The following AXL variants were observed in gnomAD, a reference collection of about 807,000 sequenced individuals.
The protein encoded by AXL is AXL receptor tyrosine kinase, also known as tyrosine-protein kinase receptor UFO.
A neutral mutation model predicts 104.5 loss-of-function variants in AXL; 52 were observed. That is an observed-to-expected ratio of 0.50 (90% CI 0.40 to 0.63). The LOEUF (loss-of-function observed/expected upper bound fraction) is 0.63. AXL is among the 20% of genes least tolerant of loss of function. The pLI is 0.00. For missense variants in AXL, 1,024 were observed against 1,188.5 expected, an observed-to-expected ratio of 0.86 and a Z score of 2.04; for synonymous variants, 455 against 473.7, an observed-to-expected ratio of 0.96 and a Z score of 0.51.
intron 9 of AXL, 106 bp from the exon 10 acceptor site, chr19:41,239,588 C>T: frequency 7.3e-7 from 1 of 1,371,762 alleles, no homozygotes. Context: ...CTTACTCGTG[C>T]CACACCCTCA....
chr19:41,244,600 C>T (rs2034240951), intron 12 of AXL, among the ~76,000 whole-genome samples: 1 of 152,148 alleles, frequency 6.6e-6, no homozygotes, highest in Admixed American at 6.6e-5. Flanking sequence ...ATGCCTCGGC[C>T]TCCCGAATAG....
intron 6 of AXL, among the ~76,000 whole-genome samples, chr19:41,234,802 T>C (rs2034050965): frequency 6.6e-6 from 1 of 152,174 alleles, no homozygotes. Flanking sequence ...AGTAAACTCC[T>C]TCCTGACATA....
chr19:41,234,801 C>T (rs1462760282), intron 6 of AXL, among the ~76,000 whole-genome samples: 1 of 152,174 alleles, frequency 6.6e-6, no homozygotes, highest in Non-Finnish European at 1.5e-5. Context: ...CAGTAAACTC[C>T]TTCCTGACAT....
At position 41,238,103 on chromosome 19, in the gene AXL, C is replaced by T. The variant is rs1400603712; in HGVS notation, c.943C>T (p.Gln315Ter). ...CATCCGCGTGGCATGCACCAGCAGC[C>T]AGGGCCCCTCATCCTGGACCCACTG... ...YHIRVACTSSQGPSSWTHWLP... is the reference protein window; with the variant it reads ...YHIRVACTSS Residue 315 changes from glutamine (Q) to a stop codon, truncating the protein, a stop_gained, in exon 7 of 20, where the codon CAG (glutamine) becomes TAG (stop). Transcript: ENST00000301178. LOFTEE classifies it high-confidence loss of function. 3 of 1,614,096 alleles carry T rather than the reference C, an allele frequency of 1.9e-6. No individual in the cohort carries two copies. The Admixed American group carries it at 5.0e-5, about 27-fold the overall frequency.
intron 6 of AXL, among the ~76,000 whole-genome samples, chr19:41,237,093 C>T (rs77632739): frequency 0.023 from 3,473 of 152,268 alleles, 143 homozygotes; most frequent in African/African-American, 0.079. Flanking sequence ...CATGTAACCA[C>T]CATCCAAATC....
chr19:41,229,116 AT>A (rs1157039981), intron 4 of AXL, among the ~76,000 whole-genome samples: 1 of 151,434 alleles, frequency 6.6e-6, no homozygotes, highest in Non-Finnish European at 1.5e-5. Context: ...TGCCCAGCTA[AT>A]TTTTTGTATT....
In AXL at chr19:41,243,689, C is replaced by T. The variant is rs1366012932; in HGVS notation, c.1519C>T (p.Arg507Trp). The T allele has an allele frequency of 6.2e-6, 10 of 1,613,722 alleles. No homozygotes were observed. The highest frequency in any genetic ancestry group is 4.0e-5 in the African/African-American group (3 of 74,880). ...CCGCGTGCGCAAGTCCTACAGTCGT[C>T]GGACCACTGAAGCTACCTGTAAGTG... ...RYRVRKSYSR[R>W]TTEATLNSLG... Residue 507 changes from arginine to tryptophan, a missense_variant, in exon 12 of 20, where the codon CGG becomes TGG. Arg to Trp is a moderately radical substitution (Grantham distance 101). Around this residue, in one of 5 missense-constraint regions of AXL, gnomAD observed 523 missense variants for 636.0 expected, o/e 0.82. Transcript: ENST00000301178.
At chr19:41,227,766 G>T (rs1053887367) in intron 4 of AXL, among the ~76,000 whole-genome samples, 17 of 152,132 alleles carry the variant, frequency 1.1e-4, no homozygotes, top group Admixed American at 5.9e-4. Context: ...TGGGATTACA[G>T]ATGTGAGCCA....
intron 6 of AXL, among the ~76,000 whole-genome samples, chr19:41,237,346 G>A (rs2034097670): frequency 1.3e-5 from 2 of 152,272 alleles, no homozygotes; most frequent in South Asian, 4.1e-4. Flanking sequence ...AGGTTCAAGT[G>A]GTTCTCCTAT....
At chr19:41,250,294 C>T (rs1476245292) in intron 14 of AXL, among the ~76,000 whole-genome samples, 1 of 152,164 alleles carries the variant, frequency 6.6e-6, no homozygotes, top group Non-Finnish European at 1.5e-5. Context: ...GAAGGAGAAG[C>T]ATAGGGCATT....
intron 6 of AXL, among the ~76,000 whole-genome samples, chr19:41,236,754 G>A (rs2034086423): frequency 6.7e-6 from 1 of 150,318 alleles, no homozygotes; most frequent in Non-Finnish European, 1.5e-5. Flanking sequence ...TATAGCCTGG[G>A]CGACAGAGCA....
rs1297169669 is a variant in AXL at position 41,243,705 on chromosome 19, C to G, written c.1535C>G (p.Thr512Ser). The G allele has an allele frequency of 6.2e-7, 1 of 1,613,212 alleles. No individual in the cohort carries two copies. Among genetic ancestry groups the G allele is most frequent in the African/African-American group, 1.3e-5 (1 of 74,998 alleles). ...TACAGTCGTCGGACCACTGAAGCTACCTGTAAGTGAACCCTATGCCCCACT... is the reference window on the plus strand; with the variant it reads ...TACAGTCGTCGGACCACTGAAGCTAGCTGTAAGTGAACCCTATGCCCCACT... ...KSYSRRTTEA[T>S]LNSLGISEEL... is the part of the protein sequence containing the mutation. The change falls in exon 12 of 20, where the codon ACC becomes AGC. Residue 512 changes from threonine to serine, a missense_variant and splice_region_variant. By Grantham distance (58) the Thr-to-Ser change is moderately conservative. Around this residue, in one of 5 missense-constraint regions of AXL, gnomAD observed 523 missense variants for 636.0 expected, o/e 0.82. Coordinates refer to ENST00000301178, the MANE Select transcript of AXL (RefSeq NM_021913.5).
At position 41,231,189 on chromosome 19, in the gene AXL, C is replaced by A; in HGVS notation, c.674C>A (p.Pro225His). The A allele has an allele frequency of 6.2e-7, 1 of 1,612,104 alleles. No homozygotes were observed. Among genetic ancestry groups the A allele is most frequent in the East Asian group, 2.2e-5 (1 of 44,878 alleles). ...CTCTCCCGTTTGTCCACAGTGCTCC[C>A]CCAGCAGCCCCGTAACCTCCACCTG... is the stretch of plus-strand genomic sequence containing the variant. The part of the protein sequence containing the change: ...TSRTATITVL[P>H]QQPRNLHLVS... The change falls in exon 6 of 20, where the codon CCC becomes CAC. Residue 225 changes from proline (P) to histidine (H), a missense_variant. Pro to His is a moderately conservative substitution (Grantham distance 77, BLOSUM62 -2). Coordinates refer to ENST00000301178, the MANE Select transcript of AXL (RefSeq NM_021913.5).
In AXL at chr19:41,231,275, C is replaced by A; in HGVS notation, c.760C>A (p.Pro254Thr). Reference protein sequence around the residue: ...AWTPGLSGIYPLTHCTLQAVL... With the variant: ...AWTPGLSGIYTLTHCTLQAVL... ...GACTCCAGGCCTGAGCGGCATCTACCCCCTGACCCACTGCACCCTGCAGGT... is the reference window on the plus strand; with the variant it reads ...GACTCCAGGCCTGAGCGGCATCTACACCCTGACCCACTGCACCCTGCAGGT... The change falls in exon 6 of 20, where the codon CCC becomes ACC. Residue 254 changes from proline (P) to threonine (T), a missense_variant. This residue lies in a region of AXL where 332 missense variants were observed against 343.9 expected (regional missense o/e 0.97). Transcript: ENST00000301178. 6.2e-7 allele frequency: 1 copy of A among 1,613,714 alleles called. No homozygotes were observed. Among genetic ancestry groups the A allele is most frequent in the Admixed American group, 1.7e-5 (1 of 59,982 alleles).
In AXL at chr19:41,253,448, C is replaced by A. The variant is rs574401731; in HGVS notation, c.1927-151C>A. ...GGAAGGCTGGAGCAAGTTTATAGGA[C>A]CTTGCAGGCCATGGAGAGGGGTTGG... On this transcript the variant is annotated intron_variant, in intron 16 of 19. Coordinates refer to ENST00000301178, the MANE Select transcript of AXL (RefSeq NM_021913.5). 274 of 645,124 alleles carry A rather than the reference C, an allele frequency of 4.2e-4. No individual in the cohort carries two copies. The African/African-American group carries it at 4.4e-3, about 10-fold the overall frequency. 40.0% of individuals were successfully genotyped at this position (645,124 alleles called of 1,614,324 possible). A position where few individuals can be genotyped will look rare whatever the true frequency, so the allele number is the denominator to read the frequency against.
At chr19:41,254,542 A>C (rs1409288384) in intron 17 of AXL, among the ~76,000 whole-genome samples, 1 of 152,008 alleles carries the variant, frequency 6.6e-6, no homozygotes, top group Non-Finnish European at 1.5e-5. Flanking sequence ...AAAAAAGAAA[A>C]GAAAGAACAA....
chr19:41,226,025 C>T (rs2033873453), intron 4 of AXL, among the ~76,000 whole-genome samples: 1 of 152,242 alleles, frequency 6.6e-6, no homozygotes, highest in Non-Finnish European at 1.5e-5. Context: ...CGGCCTGCTC[C>T]TGTCGTCTTG....
At chr19:41,254,900 C>T (rs919870512) in intron 17 of AXL, among the ~76,000 whole-genome samples, 3 of 151,970 alleles carry the variant, frequency 2.0e-5, no homozygotes, top group African/African-American at 7.3e-5. Flanking sequence ...GGCAACAGGG[C>T]AAGATCCCAT....
chr19:41,231,335 C>A (rs759219999), intron 6 of AXL, 37 bp downstream of exon 6: 12 of 1,550,432 alleles, frequency 7.7e-6, no homozygotes, highest in Non-Finnish European at 9.7e-6. Context: ...CAGTCTCAGG[C>A]CTCCTTCCAC....
Sources: allele counts gnomAD v4.1 joint callset (sites outside exome capture counted in the v4.1 genomes callset), GRCh38; gene constraint gnomAD v4.1.1; regional missense constraint gnomAD v4.1.1; transcripts MANE v1.5; gene names NCBI Gene and HGNC (gene_info 2026-07-23, HGNC 2026-07-21).